TPX2: variants seen among roughly 807,000 people sequenced by gnomAD.
TPX2 encodes the protein TPX2 microtubule nucleation factor.
In TPX2, 21 loss-of-function variants were observed where a neutral mutation model predicts 93.6. That is an observed-to-expected ratio of 0.22 (90% CI 0.16 to 0.32). The LOEUF is 0.32. TPX2 is among the 10% of genes least tolerant of loss of function. The probability of loss-of-function intolerance (pLI) is 1.00; values close to 1 mark genes in which losing one functional copy is unlikely to be tolerated. For synonymous variants in TPX2, 281 were observed against 298.3 expected (o/e 0.94, Z 0.60); for missense variants, 776 against 871.1 (o/e 0.89, Z 1.37).
chr20:31,769,779 C>G lies in TPX2; in HGVS notation c.357-564C>G, dbSNP rs956475434. Among the ~76,000 whole-genome samples, 12 of 152,020 alleles carry G rather than the reference C, an allele frequency of 7.9e-5. No individual in the cohort carries two copies. In the South Asian group the frequency reaches 2.5e-3, roughly 32 times the overall value. On this transcript the variant is annotated intron_variant, in intron 5 of 17. Transcript: ENST00000300403. ...TATGTATTAGATCTGTCATTATGCTCTTTGTTTTGTATTCATCTTATTGAT... is the reference window on the plus strand; with the variant it reads ...TATGTATTAGATCTGTCATTATGCTGTTTGTTTTGTATTCATCTTATTGAT...
rs6060942 is a variant in TPX2, at chr20:31,783,627, G to C, written c.1197-78G>C. 11 of 1,327,034 alleles carry C rather than the reference G, an allele frequency of 8.3e-6. No homozygotes were observed. The African/African-American group carries it at 1.3e-4, about 16-fold the overall frequency. 82.2% of individuals were successfully genotyped at this position (1,327,034 alleles called of 1,614,324 possible). Reference sequence around the variant, plus strand: ...ATAATCTTAATGATTACTATTCTTTGTGGTTGGCTTACTTTGTTTGTGAAG... The same window carrying C: ...ATAATCTTAATGATTACTATTCTTTCTGGTTGGCTTACTTTGTTTGTGAAG... On this transcript the variant is annotated intron_variant, in intron 11 of 17. Transcript: ENST00000300403.
chr20:31,794,788 G>GTGTA (rs778800951), intron 15 of TPX2, among the ~76,000 whole-genome samples: 1 of 150,762 alleles, frequency 6.6e-6, no homozygotes, highest in Non-Finnish European at 1.5e-5. Flanking sequence ...GTGTGTGTGT[G>GTGTA]TGTATGTGTG....
rs1206134901 is a variant in TPX2, at chr20:31,801,055, A to G, written c.2219A>G (p.Lys740Arg). ...DQPLTVPVSPKFSTRFHC is the reference protein window; with the variant it reads ...DQPLTVPVSPRFSTRFHC The stretch of plus-strand genomic sequence containing the variant: ...CCTCTGACTGTGCCTGTATCTCCCA[A>G]ATTCTCCACTCGATTCCACTGCTAA... Residue 740 changes from lysine (K) to arginine (R), a missense_variant, in exon 18 of 18, where the codon AAA (lysine) becomes AGA (arginine). Physicochemically the swap from Lys to Arg is conservative, Grantham distance 26. Around this residue, in one of 3 missense-constraint regions of TPX2, gnomAD observed 461 missense variants for 551.2 expected, o/e 0.84. Transcript: ENST00000300403. The G allele has an allele frequency of 1.2e-6, 2 of 1,614,120 alleles. No homozygotes were observed. Among genetic ancestry groups the G allele is most frequent in the Non-Finnish European group, 1.7e-6 (2 of 1,180,022 alleles).
chr20:31,771,847 T>G (rs1384030958), intron 7 of TPX2, among the ~76,000 whole-genome samples, 165 bp downstream of exon 7: 1 of 151,984 alleles, frequency 6.6e-6, no homozygotes, highest in East Asian at 1.9e-4. Flanking sequence ...ATTTTTAAAT[T>G]TTTATTTAAT....
At chr20:31,766,795 CTTTT>C (rs11299452) in intron 5 of TPX2, 113 bp downstream of exon 5, 2,779 of 447,592 alleles carry the variant, frequency 6.2e-3, no homozygotes, top group Middle Eastern at 9.9e-3. Flanking sequence ...CTTTATGTTA[CTTTT>C]TTTTTTTTTT....
At chr20:31,798,786 C>G (rs777485361) in intron 17 of TPX2, among the ~76,000 whole-genome samples, 4 of 152,118 alleles carry the variant, frequency 2.6e-5, no homozygotes, top group Admixed American at 1.3e-4. Flanking sequence ...TTTTTAGGAA[C>G]CAACCTGTCA....
intron 8 of TPX2, among the ~76,000 whole-genome samples, chr20:31,776,527 CT>C (rs1186077492): frequency 8.0e-4 from 116 of 145,188 alleles, no homozygotes; most frequent in Non-Finnish European, 9.1e-4. Context: ...TACTTTCTTT[CT>C]TTTTTTTTTT....
At position 31,741,766 on chromosome 20, in the gene TPX2, A is replaced by G. The variant is rs540150662; in HGVS notation, c.-177-775A>G. 1.5e-3 allele frequency among the ~76,000 whole-genome samples: 228 copies of G among 152,210 alleles called. 1 individual carries two copies. The highest frequency in any genetic ancestry group is 3.1e-3 in the Non-Finnish European group (209 of 68,010). ...AGTGCTGGGATTACAGGTGTGAGCC[A>G]CTGTGCCTGGCCTAATTTTTGTATT... On this transcript the variant is annotated intron_variant, in intron 1 of 17. Coordinates refer to ENST00000300403, the MANE Select transcript of TPX2 (RefSeq NM_012112.5).
chr20:31,776,565 G>C (rs887070890), intron 8 of TPX2, among the ~76,000 whole-genome samples: 3 of 147,390 alleles, frequency 2.0e-5, no homozygotes, highest in African/African-American at 7.5e-5. Flanking sequence ...TGCTCTTGTT[G>C]CCCAGGCTGG....
At chr20:31,760,753 C>T (rs766660467) in intron 4 of TPX2, among the ~76,000 whole-genome samples, 5 of 152,146 alleles carry the variant, frequency 3.3e-5, no homozygotes, top group Non-Finnish European at 7.4e-5. Flanking sequence ...GGAAATAAAA[C>T]AGCAAGAAAG....
At position 31,749,773 on chromosome 20, in the gene TPX2, C is replaced by T. The variant is rs147579001; in HGVS notation, c.-71+7126C>T. ...TTGTGCCACTGCATTCCAGCCTGGG[C>T]GACAAGAGTGAAACTCTGTCTCAAA... On this transcript the variant is annotated intron_variant, in intron 2 of 17. Coordinates refer to ENST00000300403, the MANE Select transcript of TPX2 (RefSeq NM_012112.5). Among the ~76,000 whole-genome samples the T allele has an allele frequency of 4.0e-3, 608 of 151,358 alleles. 1 individual carries two copies. The highest frequency in any genetic ancestry group is 6.2e-3 in the Non-Finnish European group (423 of 67,850).
intron 12 of TPX2, among the ~76,000 whole-genome samples, chr20:31,784,397 G>C (rs2062052725): frequency 6.6e-6 from 1 of 152,124 alleles, no homozygotes. Flanking sequence ...TTTATCACCT[G>C]TTTCAGATGA....
At chr20:31,770,717 G>GT (rs1355605523) in intron 6 of TPX2, among the ~76,000 whole-genome samples, 1 of 152,064 alleles carries the variant, frequency 6.6e-6, no homozygotes, top group Non-Finnish European at 1.5e-5. Context: ...ACCTCTTTTT[G>GT]TTTTTACGGC....
At chr20:31,797,880 T>G (rs1201700472) in intron 16 of TPX2, among the ~76,000 whole-genome samples, 1 of 152,142 alleles carries the variant, frequency 6.6e-6, no homozygotes, top group African/African-American at 2.4e-5. Flanking sequence ...TTTGATTCCT[T>G]AAACACTGGG....
intron 6 of TPX2, 141 bp downstream of exon 6, chr20:31,770,612 C>G (rs188549611): frequency 1.2e-6 from 1 of 821,766 alleles, no homozygotes; most frequent in Non-Finnish European, 1.7e-6. Context: ...TTTGGTGTAC[C>G]TCAAGCTTGA....
intron 2 of TPX2, among the ~76,000 whole-genome samples, chr20:31,742,916 TC>T (rs1310695822): frequency 6.6e-6 from 1 of 152,078 alleles, no homozygotes; most frequent in Non-Finnish European, 1.5e-5. Context: ...TCCCAGGATA[TC>T]AAAATTCTCA....
intron 7 of TPX2, 85 bp from the exon 8 acceptor site, chr20:31,775,782 A>C: frequency 7.7e-7 from 1 of 1,303,392 alleles, no homozygotes; most frequent in Non-Finnish European, 9.9e-7. Context: ...CAGGTTAAAA[A>C]TATTATATAA....
chr20:31,771,090 C>T (rs1474163172), intron 6 of TPX2, among the ~76,000 whole-genome samples: 1 of 152,082 alleles, frequency 6.6e-6, no homozygotes, highest in Non-Finnish European at 1.5e-5. Flanking sequence ...TTAAGTCTTT[C>T]GCAGCAACCC....
intron 5 of TPX2, 107 bp downstream of exon 5, chr20:31,766,789 A>C: frequency 1.5e-6 from 1 of 669,202 alleles, no homozygotes; most frequent in Non-Finnish European, 2.1e-6. Context: ...GGACACCTTT[A>C]TGTTACTTTT....
Sources: allele counts gnomAD v4.1 joint callset (sites outside exome capture counted in the v4.1 genomes callset), GRCh38; gene constraint gnomAD v4.1.1; regional missense constraint gnomAD v4.1.1; transcripts MANE v1.5; gene names NCBI Gene and HGNC (gene_info 2026-07-23, HGNC 2026-07-21).